Variants in HYCC1 observed in about 807,000 individuals in gnomAD.
HYCC1 encodes hyccin PI4KA lipid kinase complex subunit 1.
the HYCC1 span, among the ~76,000 whole-genome samples, chr7:22,998,204 T>C: frequency 6.6e-6 from 1 of 152,216 alleles, no homozygotes; most frequent in Non-Finnish European, 1.5e-5. Context: ...AATAACCATG[T>C]TGACCAAAAG....
the HYCC1 span, among the ~76,000 whole-genome samples, chr7:22,933,414 T>C: frequency 1.3e-5 from 2 of 152,338 alleles, no homozygotes; most frequent in Middle Eastern, 3.4e-3. Context: ...ATTATAAAAT[T>C]TCTCTTTATC....
At chr7:22,930,054 A>C in the HYCC1 span, among the ~76,000 whole-genome samples, 3 of 151,974 alleles carry the variant, frequency 2.0e-5, no homozygotes, top group Non-Finnish European at 4.4e-5. Context: ...GACATGGATG[A>C]AGCTGGAAAC....
chr7:22,937,134 T>A, the HYCC1 span: 3 of 152,050 alleles, frequency 2.0e-5, no homozygotes, highest in Non-Finnish European at 4.4e-5. Flanking sequence ...GATTTGGAGG[T>A]GAAAATGTTT....
chr7:22,947,433 T>A, the HYCC1 span, among the ~76,000 whole-genome samples: 2 of 152,134 alleles, frequency 1.3e-5, no homozygotes, highest in African/African-American at 2.4e-5. Flanking sequence ...AGGGTCATAT[T>A]CTTTAATTTT....
At chr7:22,907,730 T>G in the HYCC1 span, among the ~76,000 whole-genome samples, 1 of 151,954 alleles carries the variant, frequency 6.6e-6, no homozygotes, top group African/African-American at 2.4e-5. Flanking sequence ...GCCAACATGG[T>G]GAAACCCCGT....
chr7:22,925,059 C>A, the HYCC1 span, among the ~76,000 whole-genome samples: 4 of 152,300 alleles, frequency 2.6e-5, no homozygotes, highest in East Asian at 1.9e-4. Flanking sequence ...GCTGCTGATA[C>A]CCAGGCAAAC....
At chr7:23,010,457 A>T in the HYCC1 span, among the ~76,000 whole-genome samples, 1 of 152,310 alleles carries the variant, frequency 6.6e-6, no homozygotes, top group African/African-American at 2.4e-5. Flanking sequence ...AAGAAACTAT[A>T]AAAAAGTATC....
chr7:23,008,260 C>A, the HYCC1 span, among the ~76,000 whole-genome samples: 1 of 151,992 alleles, frequency 6.6e-6, no homozygotes, highest in Non-Finnish European at 1.5e-5. Context: ...TACACTTAAT[C>A]CTCTTTATAA....
the HYCC1 span, among the ~76,000 whole-genome samples, chr7:22,911,713 G>A: frequency 5.9e-5 from 9 of 152,120 alleles, no homozygotes; most frequent in Non-Finnish European, 8.8e-5. Flanking sequence ...AGCTGAGATC[G>A]CACCACTGCA....
At chr7:22,964,104 T>C in the HYCC1 span, among the ~76,000 whole-genome samples, 2 of 141,762 alleles carry the variant, frequency 1.4e-5, no homozygotes, top group Non-Finnish European at 3.1e-5. Context: ...ATTTGGAAAT[T>C]ATAGCAAAAA....
At chr7:22,949,726 A>AGT in the HYCC1 span, among the ~76,000 whole-genome samples, 1 of 152,188 alleles carries the variant, frequency 6.6e-6, no homozygotes, top group Non-Finnish European at 1.5e-5. Context: ...AGTACCACGC[A>AGT]ACTGAAATGT....
At chr7:22,986,569 T>C in the HYCC1 span, among the ~76,000 whole-genome samples, 3 of 152,178 alleles carry the variant, frequency 2.0e-5, no homozygotes, top group Admixed American at 6.5e-5. Context: ...AATTTGACGC[T>C]GGGCGCGATG....
At chr7:22,945,378 G>C in the HYCC1 span, 4 of 581,868 alleles carry the variant, frequency 6.9e-6, no homozygotes, top group Non-Finnish European at 1.2e-5. Context: ...TCAAACCAAG[G>C]GGAAAAAATC....
the HYCC1 span, among the ~76,000 whole-genome samples, chr7:23,007,128 A>T: frequency 2.6e-5 from 4 of 152,218 alleles, no homozygotes; most frequent in Non-Finnish European, 5.9e-5. Flanking sequence ...ACATCAACAC[A>T]GAACAGAACA....
At chr7:22,961,104 C>CA in the HYCC1 span, 3 of 605,126 alleles carry the variant, frequency 5.0e-6, no homozygotes, top group Non-Finnish European at 8.9e-6. Context: ...ATAAAACTTC[C>CA]ATGTATAACA....
the HYCC1 span, among the ~76,000 whole-genome samples, chr7:22,989,303 C>T: frequency 6.0e-5 from 9 of 149,218 alleles, no homozygotes; most frequent in South Asian, 1.9e-3. Context: ...CACACACACA[C>T]ACACACACAC....
chr7:22,959,806 G>A, the HYCC1 span, among the ~76,000 whole-genome samples: 66 of 152,150 alleles, frequency 4.3e-4, no homozygotes, highest in African/African-American at 1.3e-3. Context: ...CTAGTGTTGC[G>A]TCAACACTAT....
chr7:22,932,402 C>A, the HYCC1 span, among the ~76,000 whole-genome samples: 1 of 152,142 alleles, frequency 6.6e-6, no homozygotes, highest in Non-Finnish European at 1.5e-5. Flanking sequence ...ATTATTCTTA[C>A]ATCTTGAATC....
the HYCC1 span, among the ~76,000 whole-genome samples, chr7:22,974,013 G>T: frequency 6.6e-6 from 1 of 152,028 alleles, no homozygotes; most frequent in Non-Finnish European, 1.5e-5. Context: ...ACATATATAG[G>T]CATTCCTGGA....
Sources: allele counts gnomAD v4.1 joint callset (sites outside exome capture counted in the v4.1 genomes callset), GRCh38; gene constraint gnomAD v4.1.1; transcripts MANE v1.5; gene names NCBI Gene and HGNC (gene_info 2026-07-23, HGNC 2026-07-21).